Variants in ANO1 observed in about 807,000 individuals in gnomAD.
ANO1 encodes anoctamin-1.
ANO1 carries 59 observed loss-of-function variants against 124.0 expected under a neutral mutation model. The observed-to-expected ratio is 0.48, with a 90% CI of 0.39 to 0.59. The LOEUF (loss-of-function observed/expected upper bound fraction) is 0.59. ANO1 is among the 20% of genes least tolerant of loss of function. The pLI, the probability that ANO1 is intolerant of heterozygous loss-of-function variation, is 0.00. For synonymous variants in ANO1, 529 were observed against 532.0 expected, an observed-to-expected ratio of 0.99 and a Z score of 0.08; for missense variants, 1,059 against 1,328.0, an observed-to-expected ratio of 0.80 and a Z score of 3.15.
At chr11:70,048,394 T>C (rs1218112494) in intron 1 of ANO1, among the ~76,000 whole-genome samples, 2 of 152,206 alleles carry the variant, frequency 1.3e-5, no homozygotes, top group East Asian at 3.8e-4. Context: ...CTATTCTTTT[T>C]TTCCCCCAAC....
At chr11:69,973,731 G>A in the ANO1 span, among the ~76,000 whole-genome samples, 1 of 151,828 alleles carries the variant, frequency 6.6e-6, no homozygotes, top group Non-Finnish European at 1.5e-5. Context: ...AATTAGCCGG[G>A]CGTGGTGGTG....
At chr11:70,101,203 A>G (rs531757055) in intron 2 of ANO1, among the ~76,000 whole-genome samples, 4 of 152,206 alleles carry the variant, frequency 2.6e-5, no homozygotes, top group Admixed American at 2.0e-4. Flanking sequence ...AGCTTTGCCC[A>G]GGTCCCTGGG....
the ANO1 span, among the ~76,000 whole-genome samples, chr11:69,971,768 C>A: frequency 1.3e-5 from 2 of 152,058 alleles, no homozygotes; most frequent in Non-Finnish European, 2.9e-5. Flanking sequence ...AGCTTTGACA[C>A]CCAGTAGGGG....
chr11:70,157,317 A>T (rs1236444483), intron 16 of ANO1, among the ~76,000 whole-genome samples: 1 of 149,386 alleles, frequency 6.7e-6, no homozygotes, highest in Non-Finnish European at 1.5e-5. Flanking sequence ...CGGGGAGCCA[A>T]GATCACACCA....
At chr11:70,032,859 G>T (rs1555003958) in intron 1 of ANO1, among the ~76,000 whole-genome samples, 1 of 151,976 alleles carries the variant, frequency 6.6e-6, no homozygotes, top group Non-Finnish European at 1.5e-5. Context: ...GAAAGTAGAA[G>T]GGTGGATGGA....
chr11:70,070,091 G>C (rs1555009125), intron 1 of ANO1, among the ~76,000 whole-genome samples: 1 of 152,218 alleles, frequency 6.6e-6, no homozygotes, highest in Non-Finnish European at 1.5e-5. Context: ...AGGCCACTCT[G>C]TCTCATGCTC....
At chr11:69,985,261 C>G (rs781888002), upstream of ANO1, among the ~76,000 whole-genome samples, 1 of 151,802 alleles carries the variant, frequency 6.6e-6, no homozygotes, top group East Asian at 1.9e-4. Context: ...ACAGGACATT[C>G]CCCCACTTTG....
intron 23 of ANO1, among the ~76,000 whole-genome samples, chr11:70,181,618 A>C (rs1415438368): frequency 1.3e-5 from 2 of 152,218 alleles, no homozygotes; most frequent in Non-Finnish European, 2.9e-5. Flanking sequence ...TCTCCTGAGG[A>C]CAACAGCAGC....
intron 11 of ANO1, among the ~76,000 whole-genome samples, chr11:70,138,967 G>C (rs932370389): frequency 6.6e-6 from 1 of 151,934 alleles, no homozygotes; most frequent in Non-Finnish European, 1.5e-5. Context: ...GGTGTCTCCT[G>C]TCCCCTGCTT....
At chr11:70,107,985 G>A (rs2135387610) in intron 5 of ANO1, among the ~76,000 whole-genome samples, 1 of 152,346 alleles carries the variant, frequency 6.6e-6, no homozygotes, top group African/African-American at 2.4e-5. Context: ...CTCAGCACGA[G>A]GGGACCGTAA....
Position 70,137,968 on chromosome 11 carries a change from C to T in ANO1, c.1258+5889C>T, listed in dbSNP as rs1257907189. On this transcript the variant is annotated intron_variant, in intron 11 of 25. Transcript: ENST00000355303. The stretch of plus-strand genomic sequence containing the variant: ...AAATTTTGAAAACGTAGCCTTGGGT[C>T]CTAGGAGATTGAGCTTAAACCTAAC... 1.4e-5 allele frequency among the ~76,000 whole-genome samples: 2 copies of T among 147,708 alleles called. 1 individual carries two copies. Among genetic ancestry groups the T allele is most frequent in the Non-Finnish European group, 3.0e-5 (2 of 66,328 alleles).
intron 1 of ANO1, among the ~76,000 whole-genome samples, chr11:70,037,604 C>T (rs779629761): frequency 6.6e-6 from 1 of 152,118 alleles, no homozygotes; most frequent in Non-Finnish European, 1.5e-5. Flanking sequence ...CCTGCCTCTA[C>T]TGCATGACAG....
At chr11:70,107,739 G>A (rs111850507) in intron 5 of ANO1, among the ~76,000 whole-genome samples, 88 of 152,232 alleles carry the variant, frequency 5.8e-4, no homozygotes, top group African/African-American at 2.0e-3. Context: ...CTCCCAAGCC[G>A]GAGCTGCTGA....
chr11:69,980,021 G>T, the ANO1 span, among the ~76,000 whole-genome samples: 17 of 152,106 alleles, frequency 1.1e-4, no homozygotes. Context: ...TCCGTTCATG[G>T]CCAGTGCTTC....
intron 1 of ANO1, among the ~76,000 whole-genome samples, chr11:69,996,795 G>A (rs1856278348): frequency 6.6e-6 from 1 of 152,260 alleles, no homozygotes; most frequent in Non-Finnish European, 1.5e-5. Context: ...AAACCTCTCA[G>A]GAAGGCCATC....
chr11:70,164,852 AAGG>A (rs1225353000), intron 19 of ANO1, among the ~76,000 whole-genome samples: 2 of 152,134 alleles, frequency 1.3e-5, no homozygotes, highest in African/African-American at 4.8e-5. Flanking sequence ...CCCTGGAAAA[AAGG>A]AGGCGCCCTG....
chr11:70,149,901 C>G, intron 12 of ANO1, 109 bp downstream of exon 12: 1 of 1,293,112 alleles, frequency 7.7e-7, no homozygotes, highest in East Asian at 2.5e-5. Context: ...CACTTCTGGT[C>G]CAAGCTGAGG....
chr11:70,083,253 T>G (rs1255033082), intron 1 of ANO1, among the ~76,000 whole-genome samples: 1 of 152,174 alleles, frequency 6.6e-6, no homozygotes, highest in African/African-American at 2.4e-5. Context: ...TTACAAGATA[T>G]ATTAACAGGT....
intron 12 of ANO1, 105 bp from the exon 13 acceptor site, chr11:70,152,345 A>AG: frequency 4.1e-6 from 4 of 965,060 alleles, no homozygotes; most frequent in African/African-American, 1.7e-5. Context: ...AAAAAAAAAA[A>AG]AAAAAAAAAA....
Sources: gnomAD v4.1 joint callset for allele counts (sites outside exome capture counted in the v4.1 genomes callset) on GRCh38, gnomAD v4.1.1 for gene constraint, MANE v1.5 for transcripts, NCBI Gene and HGNC (gene_info 2026-07-23, HGNC 2026-07-21) for gene names.